The following PRDM16 variants were observed in gnomAD, a reference collection of about 807,000 sequenced individuals.
The protein encoded by PRDM16 is PR/SET domain 16, also known as histone-lysine N-methyltransferase PRDM16.
Under a neutral mutation model 110.6 loss-of-function variants are expected in PRDM16, and 23 were observed. The ratio of observed to expected loss-of-function variants is 0.21; its 90% CI spans 0.15 to 0.29. The LOEUF (loss-of-function observed/expected upper bound fraction) is 0.29, where lower values mean the gene tolerates loss of function less well. Ranked by LOEUF, PRDM16 falls within the 10% of genes least tolerant of loss-of-function variation. PRDM16 has a pLI of 1.00. For synonymous variants in PRDM16, 799 were observed against 781.8 expected (o/e 1.02, Z -0.37); for missense variants, 1,615 against 1,794.3 (o/e 0.90, Z 1.81).
chr1:3,431,241 G>GC, intron 15 of PRDM16, 133 bp downstream of exon 15: 6 of 1,399,016 alleles, frequency 4.3e-6, no homozygotes, highest in Non-Finnish European at 5.7e-6. Flanking sequence ...CCACCTCAGG[G>GC]CCTCCACACA....
intron 3 of PRDM16, among the ~76,000 whole-genome samples, chr1:3,375,513 A>G (rs1187373683): frequency 1.3e-5 from 2 of 152,226 alleles, no homozygotes; most frequent in African/African-American, 4.8e-5. Context: ...GCCACATGCC[A>G]GAGAGGAAGC....
rs946423634 is a variant in PRDM16, at chr1:3,405,990, C to T, written c.1186+342C>T. Among the ~76,000 whole-genome samples the T allele has an allele frequency of 3.9e-5, 6 of 152,292 alleles. No individual in the cohort carries two copies. The East Asian group carries it at 7.7e-4, about 20-fold the overall frequency. On this transcript the variant is annotated intron_variant, in intron 8 of 16. Transcript: ENST00000270722. Reference sequence around the variant, plus strand: ...CCTCCCTGTTGCTACTCCCGTCCCCCGAACTCACTCCCCACCTGTGCCGAG... The same window carrying T: ...CCTCCCTGTTGCTACTCCCGTCCCCTGAACTCACTCCCCACCTGTGCCGAG...
At chr1:3,421,880 G>A (rs943732858) in intron 12 of PRDM16, among the ~76,000 whole-genome samples, 7 of 151,996 alleles carry the variant, frequency 4.6e-5, no homozygotes, top group African/African-American at 1.7e-4. Flanking sequence ...ACACAGGCAG[G>A]CGGACAGACA....
At chr1:3,263,691 G>A (rs972753736) in intron 3 of PRDM16, among the ~76,000 whole-genome samples, 2 of 152,236 alleles carry the variant, frequency 1.3e-5, no homozygotes, top group African/African-American at 4.8e-5. Context: ...GCTCCTCCAG[G>A]CCCTCACAGC....
rs186279566 is a variant in PRDM16, at chr1:3,097,018, C to G, written c.37+27722C>G. Reference sequence around the variant, plus strand: ...GGCTCCCTCTGGGAGCCACCTGCTGCAGCCATGGGTGCATCGGGTGCGTGT... The same window carrying G: ...GGCTCCCTCTGGGAGCCACCTGCTGGAGCCATGGGTGCATCGGGTGCGTGT... On this transcript the variant is annotated intron_variant, in intron 1 of 16. Transcript: ENST00000270722. 3.3e-5 allele frequency among the ~76,000 whole-genome samples: 5 copies of G among 152,336 alleles called. No individual in the cohort carries two copies. The East Asian group carries it at 9.7e-4, about 29-fold the overall frequency.
chr1:3,145,450 G>A (rs1237837295), intron 1 of PRDM16, among the ~76,000 whole-genome samples: 2 of 152,198 alleles, frequency 1.3e-5, no homozygotes, highest in Non-Finnish European at 2.9e-5. Flanking sequence ...AGCCCTGGAA[G>A]GAGGAACGGG....
chr1:3,314,778 C>T (rs970646840), intron 3 of PRDM16, among the ~76,000 whole-genome samples: 2 of 152,078 alleles, frequency 1.3e-5, no homozygotes, highest in African/African-American at 4.8e-5. Flanking sequence ...TTGCAATTAC[C>T]AGCCTGGAGG....
intron 3 of PRDM16, among the ~76,000 whole-genome samples, chr1:3,345,361 G>A (rs4648380): frequency 0.093 from 14,214 of 152,220 alleles, 800 homozygotes; most frequent in Middle Eastern, 0.15. Context: ...TGTGGGAACC[G>A]GAGGCTCCTG....
intron 1 of PRDM16, among the ~76,000 whole-genome samples, chr1:3,117,907 G>A (rs1642996210): frequency 6.6e-6 from 1 of 152,196 alleles, no homozygotes; most frequent in East Asian, 1.9e-4. Context: ...CCGGCTACAA[G>A]AGGCAGGGCT....
In PRDM16 at chr1:3,423,624, G is replaced by A. The variant is rs527715858; in HGVS notation, c.2940-1957G>A. 2.8e-4 allele frequency among the ~76,000 whole-genome samples: 42 copies of A among 152,330 alleles called. No homozygotes were observed. In the East Asian group the frequency reaches 4.7e-3, roughly 17 times the overall value. On this transcript the variant is annotated intron_variant, in intron 12 of 16. Transcript: ENST00000270722. ...TGCTCTGGAGCGGGCCACCGGCACC[G>A]GTCGGGGCGGGGTGGGGCCTCTCGG... is the stretch of plus-strand genomic sequence containing the variant.
At chr1:3,267,479 G>A (rs1456024975) in intron 3 of PRDM16, among the ~76,000 whole-genome samples, 4 of 152,176 alleles carry the variant, frequency 2.6e-5, no homozygotes, top group Non-Finnish European at 2.9e-5. Flanking sequence ...CTCTGGGTAC[G>A]TGTGTACAAG....
chr1:3,420,008 C>G (rs778773645), intron 12 of PRDM16, among the ~76,000 whole-genome samples: 1 of 152,010 alleles, frequency 6.6e-6, no homozygotes, highest in Non-Finnish European at 1.5e-5. Context: ...TGGTCCCCTC[C>G]CAGAAAATGA....
intron 1 of PRDM16, among the ~76,000 whole-genome samples, chr1:3,073,494 T>G (rs1641816193): frequency 6.6e-6 from 1 of 152,182 alleles, no homozygotes; most frequent in African/African-American, 2.4e-5. Flanking sequence ...AAGCTGCAGC[T>G]CCCGTCGCCG....
chr1:3,210,963 G>A (rs565922383), intron 2 of PRDM16, among the ~76,000 whole-genome samples: 31 of 152,216 alleles, frequency 2.0e-4, no homozygotes, highest in East Asian at 1.7e-3. Context: ...ATTAGATATC[G>A]ATTTGTCCAC....
At position 3,143,974 on chromosome 1, in the gene PRDM16, T is replaced by G. The variant is rs1280535977; in HGVS notation, c.38-42151T>G. Among the ~76,000 whole-genome samples the G allele has an allele frequency of 2.0e-5, 3 of 152,208 alleles. No individual in the cohort carries two copies. Among genetic ancestry groups the G allele is most frequent in the African/African-American group, 7.2e-5 (3 of 41,456 alleles). On this transcript the variant is annotated intron_variant, in intron 1 of 16. Coordinates refer to ENST00000270722, the MANE Select transcript of PRDM16 (RefSeq NM_022114.4). This position sits in a 1 kb window ranked among gnomAD's most constrained non-coding sequence, Gnocchi z 4.5. ...ACTTTTGAGGCCAGGGGGAAGATGC[T>G]AAGGGGTCCTCTTTGCCGCCTGTGA... is the stretch of plus-strand genomic sequence containing the variant.
intron 4 of PRDM16, among the ~76,000 whole-genome samples, chr1:3,391,547 A>G (rs1044176800): frequency 1.3e-4 from 20 of 152,358 alleles, no homozygotes; most frequent in African/African-American, 4.1e-4. Context: ...TCCAAACCAC[A>G]CAACTAAGAA....
rs1448015632 is a variant in PRDM16 at position 3,245,845 on chromosome 1, C to T, written c.438+1708C>T. 6.6e-6 allele frequency among the ~76,000 whole-genome samples: 1 copy of T among 152,186 alleles called. No individual in the cohort carries two copies. The highest frequency in any genetic ancestry group is 1.5e-5 in the Non-Finnish European group (1 of 68,038). Reference sequence around the variant, plus strand: ...AAAGTGACCTGCAGTTAGTGCGAATCCCTCAAGTTCTCGAGGGAGCCTGAA... The same window carrying T: ...AAAGTGACCTGCAGTTAGTGCGAATTCCTCAAGTTCTCGAGGGAGCCTGAA... On this transcript the variant is annotated intron_variant, in intron 3 of 16. Transcript: ENST00000270722. This position sits in a 1 kb window ranked among gnomAD's most constrained non-coding sequence, Gnocchi z 4.7.
At chr1:3,308,195 G>C (rs1641356310) in intron 3 of PRDM16, 2 of 152,262 alleles carry the variant, frequency 1.3e-5, no homozygotes, top group Non-Finnish European at 2.9e-5. Flanking sequence ...CCAGTGTCTG[G>C]CATGTGACCT....
At position 3,382,081 on chromosome 1, in the gene PRDM16, G is replaced by A. The variant is rs190806407; in HGVS notation, c.439-3071G>A. ...CTCTGGCTTGGCGGGCCTTTCCAGC[G>A]GTTTCCTGCTGCGCATCAGCAGTCA... On this transcript the variant is annotated intron_variant, in intron 3 of 16. Transcript: ENST00000270722. The surrounding 1 kb of genome is among the most constrained non-coding windows in gnomAD (Gnocchi z 6.6). Among the ~76,000 whole-genome samples the A allele has an allele frequency of 7.2e-5, 11 of 152,368 alleles. No individual in the cohort carries two copies. The East Asian group carries it at 7.7e-4, about 11-fold the overall frequency.
Sources: allele counts gnomAD v4.1 joint callset (sites outside exome capture counted in the v4.1 genomes callset), GRCh38; gene constraint gnomAD v4.1.1; non-coding constraint Gnocchi (gnomAD v3.1); transcripts MANE v1.5; gene names NCBI Gene and HGNC (gene_info 2026-07-23, HGNC 2026-07-21).